Variants in CLIP4 observed in about 807,000 individuals in gnomAD.
CLIP4 encodes CAP-Gly domain-containing linker protein 4.
In CLIP4, 47 loss-of-function variants were observed where a neutral mutation model predicts 73.1. The observed-to-expected ratio is 0.64, with a 90% CI of 0.51 to 0.82. The LOEUF (loss-of-function observed/expected upper bound fraction) is 0.82, where lower values mean the gene tolerates loss of function less well. CLIP4 is among the 40% of genes least tolerant of loss of function. The pLI, the probability that CLIP4 is intolerant of heterozygous loss-of-function variation, is 0.00. For missense variants in CLIP4, 874 were observed against 852.9 expected (o/e 1.02, Z -0.31); for synonymous variants, 306 against 295.4 (o/e 1.04, Z -0.37).
intron 6 of CLIP4, among the ~76,000 whole-genome samples, chr2:29,138,085 C>T (rs1665498214): frequency 6.6e-6 from 1 of 152,150 alleles, no homozygotes; most frequent in Non-Finnish European, 1.5e-5. Context: ...TTGCCTAAGC[C>T]AATGCCTAGA....
intron 4 of CLIP4, 135 bp from the exon 5 acceptor site, chr2:29,133,520 C>A (rs1161351955): frequency 1.3e-5 from 9 of 671,822 alleles, no homozygotes; most frequent in Non-Finnish European, 2.1e-5. Context: ...AGGATCAATT[C>A]TTGCAAGTGA....
chr2:29,164,916 ATAAAG>A (rs1667508206), intron 13 of CLIP4, among the ~76,000 whole-genome samples: 1 of 152,238 alleles, frequency 6.6e-6, no homozygotes, highest in Non-Finnish European at 1.5e-5. Flanking sequence ...TTTGTAGTTT[ATAAAG>A]TATTTTCACT....
chr2:29,131,557 C>T, intron 3 of CLIP4, 160 bp downstream of exon 3: 1 of 651,730 alleles, frequency 1.5e-6, no homozygotes, highest in South Asian at 2.8e-5. Context: ...TGAGTTAATA[C>T]TATATATTCT....
At position 29,152,040 on chromosome 2, in the gene CLIP4, CAGAA is replaced by C. The variant is rs1405872408; in HGVS notation, c.1022-641_1022-638del. Reference sequence around the variant, plus strand: ...TTTTAGGAAGATTATATTTTATAGTCAGAAAGATTTATTTTATCCCTGCTATGTG... The same window carrying C: ...TTTTAGGAAGATTATATTTTATAGTCAGATTTATTTTATCCCTGCTATGTG... On this transcript the variant is annotated intron_variant, in intron 8 of 15. Transcript: ENST00000320081. Among the ~76,000 whole-genome samples the C allele has an allele frequency of 2.0e-5, 3 of 152,006 alleles. No individual in the cohort carries two copies. The East Asian group carries it at 5.8e-4, about 29-fold the overall frequency.
Position 29,167,477 on chromosome 2 carries a change from G to A in CLIP4, c.1660G>A (p.Val554Ile). The A allele has an allele frequency of 6.2e-7, 1 of 1,604,464 alleles. No homozygotes were observed. Among genetic ancestry groups the A allele is most frequent in the Non-Finnish European group, 8.5e-7 (1 of 1,175,296 alleles). The change falls in exon 14 of 16, where the codon GTA becomes ATA. Residue 554 changes from valine (V) to isoleucine (I), a missense_variant and splice_region_variant. Val to Ile is a conservative substitution (Grantham distance 29). Coordinates refer to ENST00000320081, the MANE Select transcript of CLIP4 (RefSeq NM_024692.6). ...IFAPPSRVQRVTDSLDTLSEI... is the reference protein window; with the variant it reads ...IFAPPSRVQRITDSLDTLSEI... ...AGATGTCCTTTGTTTTATTCATAGA[G>A]TAACAGATTCCCTGGATACCCTTTC...
intron 2 of CLIP4, among the ~76,000 whole-genome samples, chr2:29,129,045 T>G (rs2148481090): frequency 6.6e-6 from 1 of 152,314 alleles, no homozygotes; most frequent in South Asian, 2.1e-4. Context: ...TTTAATTCAC[T>G]TGTTTTGAAC....
Position 29,181,819 on chromosome 2 carries a change from G to A in CLIP4, c.2044G>A (p.Gly682Arg). 18 of 1,614,178 alleles carry A rather than the reference G, an allele frequency of 1.1e-5. No homozygotes were observed. Among genetic ancestry groups the A allele is most frequent in the Non-Finnish European group, 1.5e-5 (18 of 1,180,014 alleles). Residue 682 changes from glycine to arginine, a missense_variant, in exon 16 of 16, where the codon GGA (glycine) becomes AGA (arginine). Physicochemically the swap from Gly to Arg is moderately radical, Grantham distance 125. Transcript: ENST00000320081. The part of the protein sequence containing the change: ...KRYFTCKPNH[G>R]VLVRPSRVTY... ...CTATTTCACCTGTAAGCCGAACCAT[G>A]GAGTCTTAGTTCGACCGAGCAGAGT...
chr2:29,137,721 TGA>T (rs1306842809), intron 6 of CLIP4, among the ~76,000 whole-genome samples: 9 of 152,330 alleles, frequency 5.9e-5, no homozygotes, highest in Admixed American at 5.9e-4. Flanking sequence ...CTGACTGGTG[TGA>T]GATAGTCTCT....
chr2:29,107,363 T>TTTTTG (rs1306845621), intron 1 of CLIP4, among the ~76,000 whole-genome samples: 3,505 of 79,346 alleles, frequency 0.044, 263 homozygotes, highest in East Asian at 0.14. Context: ...TGATAGTTTT[T>TTTTTG]TTTTTTTTTT....
At chr2:29,150,593 A>G (rs1358149641) in intron 8 of CLIP4, among the ~76,000 whole-genome samples, 1 of 150,100 alleles carries the variant, frequency 6.7e-6, no homozygotes, top group Non-Finnish European at 1.5e-5. Flanking sequence ...CACACATACA[A>G]TTTTTCACAT....
chr2:29,181,506 A>G (rs1336038720), intron 15 of CLIP4, 66 bp from the exon 16 acceptor site: 2 of 1,252,846 alleles, frequency 1.6e-6, no homozygotes, highest in East Asian at 4.7e-5. Flanking sequence ...GTGGAAATGA[A>G]TATGATGCAT....
intron 14 of CLIP4, among the ~76,000 whole-genome samples, chr2:29,172,461 T>G (rs3100218): frequency 0.14 from 20,896 of 152,166 alleles, 1,866 homozygotes; most frequent in Middle Eastern, 0.23. Flanking sequence ...TTGTGCTGTT[T>G]TTGGCTTCTG....
intron 8 of CLIP4, among the ~76,000 whole-genome samples, chr2:29,147,685 CATTT>C (rs1250278646): frequency 6.6e-6 from 1 of 152,030 alleles, no homozygotes; most frequent in Non-Finnish European, 1.5e-5. Flanking sequence ...TCACTTCAAA[CATTT>C]ATCATTTGAG....
At chr2:29,125,185 A>G (rs1032381344) in intron 2 of CLIP4, among the ~76,000 whole-genome samples, 1 of 152,144 alleles carries the variant, frequency 6.6e-6, no homozygotes, top group Non-Finnish European at 1.5e-5. Flanking sequence ...CCCCCTGGCT[A>G]CGGACTGGTA....
At position 29,100,399 on chromosome 2, in the gene CLIP4, G is replaced by A. The variant is rs572421337; in HGVS notation, c.-16+2452G>A. Reference sequence around the variant, plus strand: ...TTTTAAGTTTATAGAAAATCGAGCCGACAGTATGGAGAATCCCTATGTGCC... The same window carrying A: ...TTTTAAGTTTATAGAAAATCGAGCCAACAGTATGGAGAATCCCTATGTGCC... On this transcript the variant is annotated intron_variant, in intron 1 of 14. Coordinates refer to the CLIP4 transcript ENST00000401605. Among the ~76,000 whole-genome samples the A allele has an allele frequency of 1.4e-4, 21 of 151,990 alleles. 1 individual carries two copies. The highest frequency in any genetic ancestry group is 3.4e-4 in the African/African-American group (14 of 41,470).
At chr2:29,103,264 A>C (rs558231720) in intron 1 of CLIP4, among the ~76,000 whole-genome samples, 23 of 152,192 alleles carry the variant, frequency 1.5e-4, no homozygotes, top group African/African-American at 5.5e-4. Flanking sequence ...CTTATTATTT[A>C]TATAAAATTT....
chr2:29,119,503 G>C (rs2148458916), intron 1 of CLIP4, among the ~76,000 whole-genome samples: 1 of 152,240 alleles, frequency 6.6e-6, no homozygotes, highest in Admixed American at 6.5e-5. Context: ...AGAATTAAGA[G>C]TATAAAAACA....
At chr2:29,156,528 G>GACTTTCTTCACAGAATTGGAAAAAACTAC in intron 10 of CLIP4, 85 bp downstream of exon 10, 1 of 1,001,794 alleles carries the variant, frequency 1.0e-6, no homozygotes, top group Non-Finnish European at 1.5e-6. Flanking sequence ...TTATATGGAG[G>GACTTTCTTCACAGAATTGGAAAAAACTAC]TTAAGTTTTA....
rs1199384743 is a variant in CLIP4 at position 29,183,288 on chromosome 2, A to C, written c.*1395A>C. ...CTTGTGCTTAGAAATAATATGTTGAACTATTTTGCAATATACTATTTTAAA... is the reference window on the plus strand; with the variant it reads ...CTTGTGCTTAGAAATAATATGTTGACCTATTTTGCAATATACTATTTTAAA... On this transcript the variant is annotated 3_prime_UTR_variant, in exon 16 of 16. Transcript: ENST00000320081. 1 of 152,596 alleles carries C rather than the reference A, an allele frequency of 6.6e-6. No individual in the cohort carries two copies. The highest frequency in any genetic ancestry group is 1.5e-5 in the Non-Finnish European group (1 of 68,004). 9.5% of individuals were successfully genotyped at this position (152,596 alleles called of 1,614,324 possible). A position where few individuals can be genotyped will look rare whatever the true frequency, so the allele number is the denominator to read the frequency against.
Sources: gnomAD v4.1 joint callset for allele counts (sites outside exome capture counted in the v4.1 genomes callset) on GRCh38, gnomAD v4.1.1 for gene constraint, MANE v1.5 for transcripts, NCBI Gene and HGNC (gene_info 2026-07-23, HGNC 2026-07-21) for gene names.